RIT2: variants seen among roughly 807,000 people sequenced by gnomAD.
The protein encoded by RIT2 is Ras like without CAAX 2, also known as GTP-binding protein Rit2.
RIT2 carries 24 observed loss-of-function variants against 23.7 expected under a neutral mutation model. The ratio of observed to expected loss-of-function variants is 1.01; its 90% CI spans 0.73 to 1.43. The LOEUF (loss-of-function observed/expected upper bound fraction) is 1.43, where lower values mean the gene tolerates loss of function less well. Among genes scored for constraint, RIT2 ranks in the 40% most tolerant of loss-of-function variants. RIT2 has a pLI of 0.00. For synonymous variants in RIT2, 107 were observed against 91.1 expected (o/e 1.17, Z -0.99); for missense variants, 236 against 266.9 (o/e 0.88, Z 0.81).
At chr18:43,002,678 T>A (rs529116557) in intron 2 of RIT2, among the ~76,000 whole-genome samples, 102 of 151,990 alleles carry the variant, frequency 6.7e-4, no homozygotes, top group Non-Finnish European at 2.7e-4. Flanking sequence ...ATTTTAATTA[T>A]TTATCTGGAG....
intron 4 of RIT2, among the ~76,000 whole-genome samples, chr18:42,815,152 T>C (rs1483945252): frequency 6.6e-6 from 1 of 152,076 alleles, no homozygotes; most frequent in East Asian, 1.9e-4. Context: ...TCACCAGCAA[T>C]GGATCCAAAC....
rs145524102 is a variant in RIT2 at position 42,872,343 on chromosome 18, A to C, written c.426+51229T>G. Among the ~76,000 whole-genome samples, 50 of 152,250 alleles carry C rather than the reference A, an allele frequency of 3.3e-4. 1 individual carries two copies. The East Asian group carries it at 9.7e-3, about 29-fold the overall frequency. ...CTCTTTCTTCCTCTCTATCCATTGA[A>C]GGTTAATCTACACTGTAGACCTGTG... On this transcript the variant is annotated intron_variant, in intron 4 of 4. Coordinates refer to ENST00000326695, the MANE Select transcript of RIT2 (RefSeq NM_002930.4).
chr18:42,891,220 A>C (rs1340180032), intron 4 of RIT2, among the ~76,000 whole-genome samples: 2 of 152,140 alleles, frequency 1.3e-5, no homozygotes, highest in Admixed American at 6.5e-5. Context: ...ACTCAGCTTC[A>C]ATCCTAAATA....
intron 4 of RIT2, among the ~76,000 whole-genome samples, chr18:42,759,822 G>A (rs780567935): frequency 2.7e-5 from 4 of 150,418 alleles, no homozygotes; most frequent in Admixed American, 2.0e-4. Context: ...TAGTTGCCCA[G>A]GCTGGAGTGC....
At chr18:43,036,022 G>T (rs1348624362) in intron 1 of RIT2, among the ~76,000 whole-genome samples, 1 of 152,138 alleles carries the variant, frequency 6.6e-6, no homozygotes. Context: ...GATAGTCATG[G>T]AAGCTATCAA....
At chr18:43,052,717 C>G (rs118046907) in intron 1 of RIT2, among the ~76,000 whole-genome samples, 299 of 152,154 alleles carry the variant, frequency 2.0e-3, no homozygotes, top group Middle Eastern at 3.4e-3. Flanking sequence ...GTTTCCCTTT[C>G]CTAAGAATTT....
chr18:42,785,789 C>T (rs1913909142), intron 4 of RIT2, among the ~76,000 whole-genome samples: 1 of 152,114 alleles, frequency 6.6e-6, no homozygotes, highest in African/African-American at 2.4e-5. Flanking sequence ...GCGTGCCCAG[C>T]ACACTTTGCA....
At chr18:42,873,796 G>T (rs996774555) in intron 4 of RIT2, among the ~76,000 whole-genome samples, 1 of 152,042 alleles carries the variant, frequency 6.6e-6, no homozygotes, top group South Asian at 2.1e-4. Context: ...GGAAGGAGGG[G>T]ACAAATTTTC....
At chr18:42,987,652 G>A (rs377357242) in intron 2 of RIT2, among the ~76,000 whole-genome samples, 6 of 152,192 alleles carry the variant, frequency 3.9e-5, no homozygotes, top group Middle Eastern at 6.8e-3. Flanking sequence ...TAGAAACAAC[G>A]CCGATGTCTT....
chr18:42,918,006 G>A (rs1908957008), intron 4 of RIT2, among the ~76,000 whole-genome samples: 1 of 152,094 alleles, frequency 6.6e-6, no homozygotes, highest in Non-Finnish European at 1.5e-5. Context: ...GTGTATGTAT[G>A]CATGCATATT....
intron 4 of RIT2, among the ~76,000 whole-genome samples, chr18:42,808,564 C>CA (rs1337546204): frequency 6.8e-6 from 1 of 146,386 alleles, no homozygotes; most frequent in Non-Finnish European, 1.5e-5. Context: ...AATAAGTTGG[C>CA]AAAAAAGAAT....
chr18:42,957,813 A>G (rs1406995734), intron 3 of RIT2, among the ~76,000 whole-genome samples: 1 of 152,174 alleles, frequency 6.6e-6, no homozygotes, highest in African/African-American at 2.4e-5. Context: ...TAATTGATTC[A>G]TTAATTAATA....
At chr18:42,857,086 C>G (rs11662542) in intron 4 of RIT2, among the ~76,000 whole-genome samples, 1 of 151,864 alleles carries the variant, frequency 6.6e-6, no homozygotes, top group Non-Finnish European at 1.5e-5. Flanking sequence ...TTCCAAAGTG[C>G]TCGGATTACT....
chr18:42,762,685 G>T (rs1032123932), intron 4 of RIT2, among the ~76,000 whole-genome samples: 2 of 152,048 alleles, frequency 1.3e-5, no homozygotes, highest in African/African-American at 4.8e-5. Context: ...AAATTTATTT[G>T]TCATATTAGA....
intron 1 of RIT2, among the ~76,000 whole-genome samples, chr18:43,071,817 T>A (rs560884111): frequency 2.0e-5 from 3 of 152,324 alleles, no homozygotes; most frequent in Admixed American, 2.0e-4. Context: ...TCTATAGATT[T>A]CATCAGACTC....
rs564966215 is a variant in RIT2 at position 42,898,414 on chromosome 18, A to T, written c.426+25158T>A. 7.2e-5 allele frequency among the ~76,000 whole-genome samples: 11 copies of T among 152,220 alleles called. 1 individual carries two copies. In the South Asian group the frequency reaches 1.7e-3, roughly 23 times the overall value. ...CCCAAAACAAAATCAACAACAAAAA[A>T]GAGAAGTGTGGGCAATTGTATAGTC... is the stretch of plus-strand genomic sequence containing the variant. On this transcript the variant is annotated intron_variant, in intron 4 of 4. Coordinates refer to ENST00000326695, the MANE Select transcript of RIT2 (RefSeq NM_002930.4).
At chr18:43,004,805 T>A (rs1182705312) in intron 2 of RIT2, among the ~76,000 whole-genome samples, 1 of 151,904 alleles carries the variant, frequency 6.6e-6, no homozygotes, top group African/African-American at 2.4e-5. Flanking sequence ...GTGCTTCTTA[T>A]TGTAATTATT....
intron 1 of RIT2, among the ~76,000 whole-genome samples, chr18:43,099,952 T>C (rs758197796): frequency 1.3e-5 from 2 of 152,128 alleles, no homozygotes; most frequent in Non-Finnish European, 2.9e-5. Context: ...TTCCATACTT[T>C]AGAGATAAAT....
intron 3 of RIT2, among the ~76,000 whole-genome samples, chr18:42,943,341 G>GT (rs1213990623): frequency 6.6e-6 from 1 of 152,018 alleles, no homozygotes; most frequent in Non-Finnish European, 1.5e-5. Flanking sequence ...TGATTGGTGT[G>GT]TTTTTACAGA....
Sources: allele counts gnomAD v4.1 joint callset (sites outside exome capture counted in the v4.1 genomes callset), GRCh38; gene constraint gnomAD v4.1.1; transcripts MANE v1.5; gene names NCBI Gene and HGNC (gene_info 2026-07-23, HGNC 2026-07-21).